NCS1: variants seen among roughly 807,000 people sequenced by gnomAD.
NCS1 encodes frequenin homolog.
Under a neutral mutation model 28.4 loss-of-function variants are expected in NCS1, and 6 were observed. That is an observed-to-expected ratio of 0.21 (90% CI 0.12 to 0.42). The LOEUF (loss-of-function observed/expected upper bound fraction) is 0.42, where lower values mean the gene tolerates loss of function less well. Among genes scored for constraint, NCS1 ranks in the 10% least tolerant of loss-of-function variants. The pLI, the probability that NCS1 is intolerant of heterozygous loss-of-function variation, is 1.00. For missense variants in NCS1, 131 were observed against 241.4 expected, an observed-to-expected ratio of 0.54 and a Z score of 3.03; for synonymous variants, 86 against 99.3, an observed-to-expected ratio of 0.87 and a Z score of 0.79.
At position 130,191,132 on chromosome 9, in the gene NCS1, G is replaced by A. The variant is rs1832811584; in HGVS notation, c.65-9826G>A. ...TGTATCCTCTCGTTGGCCCCTGACAGCGGGGCAGGGAGCACGCTGACCCAG... is the reference window on the plus strand; with the variant it reads ...TGTATCCTCTCGTTGGCCCCTGACAACGGGGCAGGGAGCACGCTGACCCAG... On this transcript the variant is annotated intron_variant, in intron 1 of 7. Coordinates refer to ENST00000372398, the MANE Select transcript of NCS1 (RefSeq NM_014286.4). This position sits in a 1 kb window ranked among gnomAD's most constrained non-coding sequence, Gnocchi z 6.4. Among the ~76,000 whole-genome samples, 1 of 152,214 alleles carries A rather than the reference G, an allele frequency of 6.6e-6. No homozygotes were observed. Among genetic ancestry groups the A allele is most frequent in the Admixed American group, 6.5e-5 (1 of 15,290 alleles).
chr9:130,190,032 AAGAG>A (rs34529294), intron 1 of NCS1, among the ~76,000 whole-genome samples: 5,050 of 120,470 alleles, frequency 0.042, 122 homozygotes, highest in Non-Finnish European at 0.051. Context: ...ATGTTTATGC[AAGAG>A]AGAGAGAGAG....
intron 1 of NCS1, among the ~76,000 whole-genome samples, chr9:130,174,816 G>A (rs1198794391): frequency 9.6e-6 from 1 of 104,544 alleles, no homozygotes; most frequent in Non-Finnish European, 1.8e-5. Context: ...AAGCTCTGCT[G>A]GGTGTCTTTT....
intron 6 of NCS1, among the ~76,000 whole-genome samples, chr9:130,225,951 A>G (rs1833408226): frequency 6.6e-6 from 1 of 152,118 alleles, no homozygotes; most frequent in South Asian, 2.1e-4. Flanking sequence ...CGGGTCTCCC[A>G]GGGTCCAGTG....
In NCS1 at chr9:130,236,152, G is replaced by A. The variant is rs1044009095; in HGVS notation, c.*3180G>A. ...GCACCTGGGGTTTCAGGAACTTTGT[G>A]TTTTTTCGGAGGGGGTTGGTGGGGA... On this transcript the variant is annotated 3_prime_UTR_variant, in exon 8 of 8. Transcript: ENST00000372398. 6.6e-6 allele frequency: 1 copy of A among 152,196 alleles called. No individual in the cohort carries two copies. Among genetic ancestry groups the A allele is most frequent in the Non-Finnish European group, 1.5e-5 (1 of 68,054 alleles). The allele number at this position is 152,196 out of a possible 1,614,324, so 9.4% of individuals were successfully genotyped here. A position where few individuals can be genotyped will look rare whatever the true frequency, so the allele number is the denominator to read the frequency against.
Position 130,172,589 on chromosome 9 carries a change from C to G in NCS1, c.-75C>G, listed in dbSNP as rs1417563536. The G allele has an allele frequency of 2.4e-6, 2 of 818,384 alleles. No homozygotes were observed. The highest frequency in any genetic ancestry group is 7.9e-5 in the East Asian group (1 of 12,614). 50.7% of individuals were successfully genotyped at this position (818,384 alleles called of 1,614,324 possible). On this transcript the variant is annotated 5_prime_UTR_variant, in exon 1 of 8. Transcript: ENST00000372398. The stretch of plus-strand genomic sequence containing the variant: ...ACAAAGGCGCGGCCCCGGCCCGGCC[C>G]GCCCGGCCCAGCCGCTCCTGCTGGG...
In NCS1 at chr9:130,192,928, C is replaced by CCT. The variant is rs1476813239; in HGVS notation, c.65-8024_65-8023dup. Among the ~76,000 whole-genome samples the CCT allele has an allele frequency of 3.3e-5, 5 of 152,230 alleles. No individual in the cohort carries two copies. The highest frequency in any genetic ancestry group is 1.2e-4 in the African/African-American group (5 of 41,456). On this transcript the variant is annotated intron_variant, in intron 1 of 7. Coordinates refer to ENST00000372398, the MANE Select transcript of NCS1 (RefSeq NM_014286.4). This position sits in a 1 kb window ranked among gnomAD's most constrained non-coding sequence, Gnocchi z 4.8. ...CCATGGTTGGCACAGCTAGTAATGT[C>CCT]CTCTCTCACAGATGGGGAAACCGAA...
chr9:130,187,722 G>A (rs1832757771), intron 1 of NCS1, among the ~76,000 whole-genome samples: 2 of 152,160 alleles, frequency 1.3e-5, no homozygotes, highest in South Asian at 2.1e-4. Context: ...CTGTGTGGAG[G>A]GCCTCGCACC....
chr9:130,210,425 G>A (rs1350310723), intron 2 of NCS1, among the ~76,000 whole-genome samples: 3 of 151,502 alleles, frequency 2.0e-5, no homozygotes, highest in Non-Finnish European at 4.4e-5. Flanking sequence ...AGAAAGAAAG[G>A]GAAGGACTTC....
rs1210151839 is a variant in NCS1, at chr9:130,180,545, A to G, written c.64+7818A>G. On this transcript the variant is annotated intron_variant, in intron 1 of 7. Coordinates refer to ENST00000372398, the MANE Select transcript of NCS1 (RefSeq NM_014286.4). This position sits in a 1 kb window ranked among gnomAD's most constrained non-coding sequence, Gnocchi z 4.5. ...AGATTACGTTGCGGCGTTTCTAGGT[A>G]ACTTGAGATTGGGGTCATATTCTGA... Among the ~76,000 whole-genome samples, 1 of 152,144 alleles carries G rather than the reference A, an allele frequency of 6.6e-6. No homozygotes were observed. The highest frequency in any genetic ancestry group is 1.5e-5 in the Non-Finnish European group (1 of 68,016).
In NCS1 at chr9:130,223,174, C is replaced by T. The variant is rs199899878; in HGVS notation, c.474+15C>T. 1.0e-3 allele frequency: 1,026 copies of T among 995,404 alleles called. 5 individuals are homozygous for T. The African/African-American group carries it at 0.016, about 15-fold the overall frequency. 61.7% of individuals were successfully genotyped at this position (995,404 alleles called of 1,614,324 possible). A position where few individuals can be genotyped will look rare whatever the true frequency, so the allele number is the denominator to read the frequency against. On this transcript the variant is annotated intron_variant, in intron 6 of 7. Transcript: ENST00000372398. ...TGATGGATAAGGTGAGGTGGGGGGG[C>T]GGGGCTGGTCCTGGACCAGGGAGGC...
At position 130,236,045 on chromosome 9, in the gene NCS1, G is replaced by A. The variant is rs1357966498; in HGVS notation, c.*3073G>A. ...AGGCCACGTTTAAAATAACATCAAG[G>A]CAAGCGTACGTGTCACCCTCTGTAC... On this transcript the variant is annotated 3_prime_UTR_variant, in exon 8 of 8. Coordinates refer to ENST00000372398, the MANE Select transcript of NCS1 (RefSeq NM_014286.4). The A allele has an allele frequency of 6.6e-6, 1 of 152,270 alleles. No homozygotes were observed. Among genetic ancestry groups the A allele is most frequent in the Non-Finnish European group, 1.5e-5 (1 of 68,060 alleles). 9.4% of individuals were successfully genotyped at this position (152,270 alleles called of 1,614,324 possible). A position where few individuals can be genotyped will look rare whatever the true frequency, so the allele number is the denominator to read the frequency against.
At chr9:130,213,280 T>G (rs1355188068) in intron 2 of NCS1, among the ~76,000 whole-genome samples, 1 of 152,140 alleles carries the variant, frequency 6.6e-6, no homozygotes, top group Non-Finnish European at 1.5e-5. Context: ...TTCTTTTCTT[T>G]CTTTTTTTTT....
At chr9:130,224,621 G>C (rs1588125974) in intron 6 of NCS1, among the ~76,000 whole-genome samples, 1 of 151,402 alleles carries the variant, frequency 6.6e-6, no homozygotes. Flanking sequence ...TGGAGGGTGA[G>C]AGGAGGGTGA....
chr9:130,172,585 G>C lies in NCS1; in HGVS notation c.-79G>C. On this transcript the variant is annotated 5_prime_UTR_variant, in exon 1 of 8. Transcript: ENST00000372398. ...GCAGACAAAGGCGCGGCCCCGGCCC[G>C]GCCCGCCCGGCCCAGCCGCTCCTGC... is the stretch of plus-strand genomic sequence containing the variant. 2.6e-6 allele frequency: 2 copies of C among 759,004 alleles called. No individual in the cohort carries two copies. Among genetic ancestry groups the C allele is most frequent in the Non-Finnish European group, 3.3e-6 (2 of 600,762 alleles). The allele number at this position is 759,004 out of a possible 1,614,324, so 47.0% of individuals were successfully genotyped here.
intron 1 of NCS1, among the ~76,000 whole-genome samples, chr9:130,190,955 C>T (rs1832809058): frequency 6.6e-6 from 1 of 152,210 alleles, no homozygotes; most frequent in South Asian, 2.1e-4. Flanking sequence ...AGCCTCTCTC[C>T]TGGCTCCACT....
At chr9:130,176,162 C>CTTTCTTTCT (rs1832563660) in intron 1 of NCS1, among the ~76,000 whole-genome samples, 1 of 76,932 alleles carries the variant, frequency 1.3e-5, no homozygotes, top group East Asian at 8.5e-4. Flanking sequence ...TTCTTTCTTT[C>CTTTCTTTCT]TTTCTTTCTT....
intron 2 of NCS1, among the ~76,000 whole-genome samples, chr9:130,207,154 G>A (rs180965026): frequency 2.6e-4 from 39 of 152,320 alleles, no homozygotes; most frequent in African/African-American, 7.9e-4. Context: ...GGTCTGCAGT[G>A]GTGCCACAGC....
intron 2 of NCS1, among the ~76,000 whole-genome samples, chr9:130,217,475 A>C (rs1197254409): frequency 6.6e-6 from 1 of 152,234 alleles, no homozygotes; most frequent in Admixed American, 6.5e-5. Context: ...TTGTGCAGGC[A>C]TGCGGCTTTG....
intron 1 of NCS1, among the ~76,000 whole-genome samples, chr9:130,195,266 A>G (rs375940643): frequency 1.3e-5 from 2 of 152,156 alleles, no homozygotes; most frequent in East Asian, 3.9e-4. Context: ...GGACCGCTGT[A>G]CTTCACCACT....
Sources: gnomAD v4.1 joint callset for allele counts (sites outside exome capture counted in the v4.1 genomes callset) on GRCh38, gnomAD v4.1.1 for gene constraint, Gnocchi (gnomAD v3.1) non-coding constraint, MANE v1.5 for transcripts, NCBI Gene and HGNC (gene_info 2026-07-23, HGNC 2026-07-21) for gene names.